The following LDLRAD4 variants were observed in gnomAD, a reference collection of about 807,000 sequenced individuals.
LDLRAD4 encodes low density lipoprotein receptor class A domain containing 4.
A neutral mutation model predicts 17.0 loss-of-function variants in LDLRAD4; 5 were observed. The ratio of observed to expected loss-of-function variants is 0.29; its 90% CI spans 0.15 to 0.62. The LOEUF (loss-of-function observed/expected upper bound fraction) is 0.62. Ranked by LOEUF, LDLRAD4 falls within the 20% of genes least tolerant of loss-of-function variation. The pLI is 0.84. For missense variants in LDLRAD4, 340 were observed against 424.7 expected (o/e 0.80, Z 1.75); for synonymous variants, 168 against 171.8 (o/e 0.98, Z 0.17).
intron 1 of LDLRAD4, among the ~76,000 whole-genome samples, chr18:13,266,506 G>A (rs1347469843): frequency 6.6e-6 from 1 of 152,232 alleles, no homozygotes; most frequent in Non-Finnish European, 1.5e-5. Flanking sequence ...GTCCAGAGGC[G>A]GGAGGATTCC....
At chr18:13,271,922 C>T (rs923295070) in intron 1 of LDLRAD4, among the ~76,000 whole-genome samples, 34 of 95,002 alleles carry the variant, frequency 3.6e-4, no homozygotes, top group African/African-American at 1.3e-3. Context: ...TTTTTTAAGA[C>T]GGAGTCTTGC....
intron 2 of LDLRAD4, among the ~76,000 whole-genome samples, chr18:13,400,487 G>A (rs1011103924): frequency 3.9e-5 from 6 of 152,296 alleles, no homozygotes; most frequent in Non-Finnish European, 5.9e-5. Flanking sequence ...CCAGACCTGC[G>A]GGCTCCAGAC....
intron 3 of LDLRAD4, chr18:13,614,530 A>G (rs1601720508): frequency 6.6e-6 from 1 of 152,210 alleles, no homozygotes; most frequent in Non-Finnish European, 1.5e-5. Flanking sequence ...AATCAGTATG[A>G]TGATAGCTCT....
chr18:13,636,729 A>C (rs933169722), intron 4 of LDLRAD4, among the ~76,000 whole-genome samples: 1 of 151,088 alleles, frequency 6.6e-6, no homozygotes, highest in African/African-American at 2.4e-5. Flanking sequence ...TGAACTCCTG[A>C]CCTCAGGTGA....
chr18:13,418,088 C>T (rs1466011957), intron 2 of LDLRAD4, among the ~76,000 whole-genome samples: 1 of 152,212 alleles, frequency 6.6e-6, no homozygotes, highest in African/African-American at 2.4e-5. Context: ...ACTGCACCCG[C>T]ACTGAGCCCT....
intron 3 of LDLRAD4, chr18:13,522,508 G>T (rs2093968348): frequency 6.6e-6 from 1 of 151,918 alleles, no homozygotes; most frequent in African/African-American, 2.4e-5. Flanking sequence ...GGGGTTGTTT[G>T]TTTGTTTAAA....
intron 3 of LDLRAD4, among the ~76,000 whole-genome samples, chr18:13,536,500 C>G (rs2094202366): frequency 6.6e-6 from 1 of 152,040 alleles, no homozygotes; most frequent in Admixed American, 6.5e-5. Flanking sequence ...TTTATTTGTT[C>G]TAGTAGCTCG....
intron 3 of LDLRAD4, chr18:13,459,841 G>T (rs78946079): frequency 0.14 from 22,111 of 153,956 alleles, 1,813 homozygotes; most frequent in African/African-American, 0.22. Flanking sequence ...GCTTTAAGGA[G>T]CACGTGCAGG....
chr18:13,412,169 G>T (rs1259081464), intron 2 of LDLRAD4, among the ~76,000 whole-genome samples: 1 of 152,144 alleles, frequency 6.6e-6, no homozygotes, highest in Non-Finnish European at 1.5e-5. Context: ...GTTAGTATTT[G>T]CTCAGGGCAA....
At chr18:13,545,237 C>T (rs751105169) in intron 3 of LDLRAD4, among the ~76,000 whole-genome samples, 4 of 152,206 alleles carry the variant, frequency 2.6e-5, no homozygotes, top group African/African-American at 7.2e-5. Context: ...TCTTGCTCCC[C>T]GAGCCCCAGC....
chr18:13,391,753 C>A (rs981208033), intron 2 of LDLRAD4, among the ~76,000 whole-genome samples: 4 of 152,174 alleles, frequency 2.6e-5, no homozygotes, highest in African/African-American at 9.7e-5. Context: ...TTACATCCTT[C>A]CAGTTTTGTC....
chr18:13,473,793 G>T (rs976290278), intron 3 of LDLRAD4, among the ~76,000 whole-genome samples: 2 of 151,318 alleles, frequency 1.3e-5, no homozygotes, highest in Non-Finnish European at 2.9e-5. Context: ...AGGCCCCAAA[G>T]TGAAGTTCCT....
intron 1 of LDLRAD4, among the ~76,000 whole-genome samples, chr18:13,280,310 C>T (rs749185845): frequency 2.6e-4 from 40 of 152,336 alleles, no homozygotes; most frequent in Admixed American, 6.5e-4. Context: ...TCCTAACCCT[C>T]TATGAGTCTC....
intron 3 of LDLRAD4, among the ~76,000 whole-genome samples, chr18:13,596,044 G>C (rs750500780): frequency 6.6e-6 from 1 of 152,108 alleles, no homozygotes; most frequent in Non-Finnish European, 1.5e-5. Context: ...ATGTATTTTG[G>C]AAGTTTATTG....
chr18:13,638,347 C>G (rs1049566001), intron 4 of LDLRAD4, among the ~76,000 whole-genome samples: 1 of 152,204 alleles, frequency 6.6e-6, no homozygotes, highest in African/African-American at 2.4e-5. Flanking sequence ...CAATGGCTAC[C>G]TACCTCAGAG....
chr18:13,293,823 C>G (rs2046108937), intron 1 of LDLRAD4, among the ~76,000 whole-genome samples: 1 of 152,188 alleles, frequency 6.6e-6, no homozygotes, highest in Admixed American at 6.5e-5. Context: ...GTAAACTTTA[C>G]TTTTAAACTT....
intron 4 of LDLRAD4, among the ~76,000 whole-genome samples, chr18:13,636,294 T>C (rs1274568846): frequency 6.6e-6 from 1 of 152,070 alleles, no homozygotes; most frequent in Non-Finnish European, 1.5e-5. Flanking sequence ...CCCCTCCGTA[T>C]GAGAGGCTTT....
intron 3 of LDLRAD4, among the ~76,000 whole-genome samples, chr18:13,474,784 G>A (rs1040841593): frequency 6.6e-6 from 1 of 152,208 alleles, no homozygotes; most frequent in African/African-American, 2.4e-5. Context: ...TTTGTCTCCC[G>A]AGGTTAGGAT....
chr18:13,548,301 G>T (rs2094393382), intron 3 of LDLRAD4, among the ~76,000 whole-genome samples: 1 of 152,200 alleles, frequency 6.6e-6, no homozygotes, highest in Admixed American at 6.5e-5. Context: ...AGTCACCAGG[G>T]ACCTGCCCCT....
Sources: allele counts gnomAD v4.1 joint callset (sites outside exome capture counted in the v4.1 genomes callset), GRCh38; gene constraint gnomAD v4.1.1; transcripts MANE v1.5; gene names NCBI Gene and HGNC (gene_info 2026-07-23, HGNC 2026-07-21).